CDH13: variants seen among roughly 807,000 people sequenced by gnomAD.
The protein encoded by CDH13 is cadherin 13, also known as cadherin-13.
In CDH13, 24 loss-of-function variants were observed where a neutral mutation model predicts 63.8. The ratio of observed to expected loss-of-function variants is 0.38; its 90% CI spans 0.27 to 0.53. CDH13 has a LOEUF of 0.53. CDH13 is among the 20% of genes least tolerant of loss of function. CDH13 has a pLI of 0.85. For synonymous variants in CDH13, 503 were observed against 355.3 expected, an observed-to-expected ratio of 1.42 and a Z score of -4.67; for missense variants, 1,049 against 903.1, an observed-to-expected ratio of 1.16 and a Z score of -2.07.
At chr16:83,202,548 C>T (rs914592521) in intron 4 of CDH13, among the ~76,000 whole-genome samples, 3 of 152,264 alleles carry the variant, frequency 2.0e-5, no homozygotes, top group Non-Finnish European at 4.4e-5. Flanking sequence ...AACAGAATGT[C>T]AGGATTTCGG....
intron 3 of CDH13, among the ~76,000 whole-genome samples, chr16:83,090,567 G>C (rs12929480): frequency 0.49 from 67,081 of 137,874 alleles, 15,940 homozygotes; most frequent in Middle Eastern, 0.61. Flanking sequence ...AAGCGAAACT[G>C]CATCTCAAAA....
At chr16:82,932,608 T>G in intron 2 of CDH13, among the ~76,000 whole-genome samples, 1 of 152,312 alleles carries the variant, frequency 6.6e-6, no homozygotes, top group Admixed American at 6.5e-5. Context: ...GTACATAAAC[T>G]TTACTGAAAA....
intron 8 of CDH13, among the ~76,000 whole-genome samples, chr16:83,632,475 T>C (rs942811590): frequency 5.9e-5 from 9 of 152,068 alleles, no homozygotes; most frequent in African/African-American, 1.9e-4. Flanking sequence ...CGAATCCTTA[T>C]GATTTCTTTG....
intron 5 of CDH13, among the ~76,000 whole-genome samples, chr16:83,327,540 G>A (rs2090391482): frequency 2.0e-5 from 3 of 152,130 alleles, no homozygotes; most frequent in Admixed American, 2.0e-4. Context: ...TTGTTCTATT[G>A]TGCTATGGAA....
At chr16:83,220,320 C>G (rs138931335) in intron 5 of CDH13, among the ~76,000 whole-genome samples, 18 of 152,160 alleles carry the variant, frequency 1.2e-4, no homozygotes, top group African/African-American at 4.3e-4. Context: ...ACTTTGGGCA[C>G]AGGAATGTTG....
chr16:82,724,120 A>G (rs1029075382), intron 1 of CDH13, among the ~76,000 whole-genome samples: 1 of 152,156 alleles, frequency 6.6e-6, no homozygotes, highest in African/African-American at 2.4e-5. Context: ...GAAAGATCCT[A>G]CAATTGTGCA....
intron 6 of CDH13, among the ~76,000 whole-genome samples, chr16:83,410,034 G>C (rs1260262083): frequency 6.6e-6 from 1 of 152,202 alleles, no homozygotes; most frequent in Non-Finnish European, 1.5e-5. Flanking sequence ...TTGACACTGG[G>C]AGTGTGGGTG....
intron 1 of CDH13, among the ~76,000 whole-genome samples, chr16:82,728,278 C>T (rs554976484): frequency 1.3e-5 from 2 of 152,122 alleles, no homozygotes; most frequent in African/African-American, 2.4e-5. Flanking sequence ...AAATACTAAT[C>T]TCCTCAACCT....
At chr16:82,892,075 C>T (rs12444122) in intron 2 of CDH13, among the ~76,000 whole-genome samples, 62,622 of 151,886 alleles carry the variant, frequency 0.41, 13,694 homozygotes, top group East Asian at 0.78. Flanking sequence ...AGCTCAACTG[C>T]CTCCCTTCCA....
chr16:83,500,671 C>G (rs1008912339), intron 7 of CDH13, among the ~76,000 whole-genome samples: 5 of 144,734 alleles, frequency 3.5e-5, no homozygotes, highest in African/African-American at 1.0e-4. Flanking sequence ...CTCCTGGATT[C>G]AAGCAATTCT....
At chr16:83,443,805 T>C (rs2072573567) in intron 6 of CDH13, among the ~76,000 whole-genome samples, 1 of 141,048 alleles carries the variant, frequency 7.1e-6, no homozygotes, top group Non-Finnish European at 1.6e-5. Context: ...CTTGGTGGCA[T>C]GTGCCTGTAG....
chr16:82,670,857 G>A (rs1027184255), intron 1 of CDH13, among the ~76,000 whole-genome samples: 2 of 152,180 alleles, frequency 1.3e-5, no homozygotes, highest in African/African-American at 4.8e-5. Context: ...TTTAGTACCT[G>A]AGATATAAAC....
At chr16:83,711,939 G>A (rs1217661223) in intron 10 of CDH13, among the ~76,000 whole-genome samples, 2 of 152,248 alleles carry the variant, frequency 1.3e-5, no homozygotes, top group African/African-American at 2.4e-5. Flanking sequence ...CTGTAGGTTA[G>A]AAGTCTGAGA....
At chr16:82,630,020 C>T (rs1257546538) in intron 1 of CDH13, among the ~76,000 whole-genome samples, 1 of 152,144 alleles carries the variant, frequency 6.6e-6, no homozygotes, top group Non-Finnish European at 1.5e-5. Flanking sequence ...TTGGGAGTGA[C>T]TGAAAATGTT....
chr16:83,038,117 T>C (rs552960387), intron 3 of CDH13, among the ~76,000 whole-genome samples: 4 of 152,222 alleles, frequency 2.6e-5, no homozygotes, highest in Non-Finnish European at 4.4e-5. Flanking sequence ...ATTTCACACT[T>C]GCTCATTTCA....
intron 5 of CDH13, among the ~76,000 whole-genome samples, chr16:83,288,483 C>T (rs1464358575): frequency 6.6e-6 from 1 of 152,090 alleles, no homozygotes; most frequent in African/African-American, 2.4e-5. Flanking sequence ...TGATCAAGGT[C>T]GCAGGAGCAA....
chr16:83,666,744 C>A (rs1913989523), intron 8 of CDH13, among the ~76,000 whole-genome samples: 1 of 152,190 alleles, frequency 6.6e-6, no homozygotes. Flanking sequence ...CTCTCTAAGG[C>A]CTCCTCTTCT....
rs56753707 is a variant in CDH13, at chr16:83,240,717, C to CTT, written c.636+23245_636+23246dup. The stretch of plus-strand genomic sequence containing the variant: ...ATGACTTTAAATTTACTGTCTTAAT[C>CTT]TTTTTTTTTTTTTTTTTTTTTTTTT... On this transcript the variant is annotated intron_variant, in intron 5 of 13. Coordinates refer to ENST00000567109, the MANE Select transcript of CDH13 (RefSeq NM_001257.5). 2.3e-3 allele frequency among the ~76,000 whole-genome samples: 190 copies of CTT among 81,666 alleles called. 37 individuals carry two copies. The highest frequency in any genetic ancestry group is 0.016 in the East Asian group (34 of 2,136). The allele number at this position is 81,666 out of a possible 152,430, so 53.6% of individuals were successfully genotyped here.
intron 6 of CDH13, among the ~76,000 whole-genome samples, chr16:83,461,514 G>A (rs1010117331): frequency 6.6e-6 from 1 of 152,154 alleles, no homozygotes. Context: ...AAATTGAGGT[G>A]AGACCCCCGC....
Sources: allele counts gnomAD v4.1 joint callset (sites outside exome capture counted in the v4.1 genomes callset), GRCh38; gene constraint gnomAD v4.1.1; transcripts MANE v1.5; gene names NCBI Gene and HGNC (gene_info 2026-07-23, HGNC 2026-07-21).